XPO7: variants seen among roughly 807,000 people sequenced by gnomAD.
XPO7 encodes exportin 7, also known as exportin-7.
Under a neutral mutation model 144.3 loss-of-function variants are expected in XPO7, and 21 were observed. The observed-to-expected ratio is 0.15, with a 90% confidence interval of 0.10 to 0.21. The LOEUF is 0.21. Among genes scored for constraint, XPO7 ranks in the 10% least tolerant of loss-of-function variants. XPO7 has a pLI of 1.00. For synonymous variants in XPO7, 580 were observed against 499.6 expected (o/e 1.16, Z -2.15); for missense variants, 808 against 1,325.8 (o/e 0.61, Z 6.06).
chr8:21,958,822 A>G (rs868220637), intron 1 of XPO7, among the ~76,000 whole-genome samples: 2 of 152,054 alleles, frequency 1.3e-5, no homozygotes, highest in South Asian at 4.1e-4. Flanking sequence ...CCAGCCGAAC[A>G]TGGTGGCGCA....
chr8:21,921,978 G>A (rs899265424), intron 1 of XPO7, among the ~76,000 whole-genome samples: 1 of 152,128 alleles, frequency 6.6e-6, no homozygotes, highest in African/African-American at 2.4e-5. Flanking sequence ...CGCTTCCCTA[G>A]GTATAATGAG....
At chr8:21,999,755 A>C (rs1013467159) in intron 24 of XPO7, 81 bp downstream of exon 24, 16 of 1,568,400 alleles carry the variant, frequency 1.0e-5, no homozygotes, top group Non-Finnish European at 1.4e-5. Flanking sequence ...ATCTTGCCCC[A>C]GTGTCCAAAA....
chr8:21,950,199 G>T (rs1048409235), intron 1 of XPO7, among the ~76,000 whole-genome samples: 3 of 152,154 alleles, frequency 2.0e-5, no homozygotes, highest in African/African-American at 7.2e-5. Context: ...AGAGAGTGTG[G>T]GTAGTTGTAA....
chr8:21,998,659 G>A (rs2117400242), intron 21 of XPO7, 96 bp from the exon 22 acceptor site: 5 of 958,240 alleles, frequency 5.2e-6, no homozygotes, highest in Non-Finnish European at 3.2e-6. Flanking sequence ...TAATGTAAAT[G>A]CAGGATCACC....
chr8:22,001,230 C>T (rs1446046239), intron 24 of XPO7, among the ~76,000 whole-genome samples: 1 of 151,348 alleles, frequency 6.6e-6, no homozygotes, highest in Admixed American at 6.6e-5. Flanking sequence ...CACTTGAACC[C>T]GGGAAGTAGA....
intron 1 of XPO7, chr8:21,966,357 A>T (rs1811884062): frequency 1.3e-6 from 1 of 777,710 alleles, no homozygotes; most frequent in African/African-American, 1.7e-5. Flanking sequence ...GTTTTCTCGT[A>T]CAGGTGACCA....
intron 11 of XPO7, among the ~76,000 whole-genome samples, chr8:21,984,354 G>A (rs1585468305): frequency 6.6e-6 from 1 of 152,134 alleles, no homozygotes; most frequent in African/African-American, 2.4e-5. Context: ...AGGTCAGACA[G>A]TTGAGAAGGG....
intron 20 of XPO7, among the ~76,000 whole-genome samples, chr8:21,995,059 AAAAT>A (rs1381956035): frequency 9.2e-5 from 13 of 141,388 alleles, no homozygotes; most frequent in Admixed American, 1.4e-4. Context: ...ATCTCAAAAA[AAAAT>A]AAATAATAAT....
intron 13 of XPO7, among the ~76,000 whole-genome samples, 175 bp downstream of exon 13, chr8:21,985,866 TA>T (rs981453752): frequency 2.6e-5 from 4 of 152,092 alleles, no homozygotes; most frequent in Non-Finnish European, 5.9e-5. Context: ...TACTTTAAAA[TA>T]AAAAACCAGC....
At chr8:21,936,313 A>G (rs1810820595) in intron 1 of XPO7, among the ~76,000 whole-genome samples, 1 of 152,198 alleles carries the variant, frequency 6.6e-6, no homozygotes, top group African/African-American at 2.4e-5. Flanking sequence ...CAGAAGATGC[A>G]GTCAATCAAC....
intron 21 of XPO7, 31 bp from the exon 22 acceptor site, chr8:21,998,724 G>A: frequency 6.2e-7 from 1 of 1,606,862 alleles, no homozygotes; most frequent in Non-Finnish European, 8.5e-7. Context: ...AAACACCTCT[G>A]ACTTTTTCTC....
chr8:21,950,155 G>T (rs191960922), intron 1 of XPO7, among the ~76,000 whole-genome samples: 4 of 152,214 alleles, frequency 2.6e-5, no homozygotes, highest in Non-Finnish European at 4.4e-5. Flanking sequence ...AACATTTAAC[G>T]TATTGTAGTT....
At chr8:21,996,042 C>T (rs974414281) in intron 21 of XPO7, among the ~76,000 whole-genome samples, 5 of 152,272 alleles carry the variant, frequency 3.3e-5, no homozygotes, top group Admixed American at 3.3e-4. Context: ...GTCTCGATCT[C>T]CTGACCTCGT....
intron 20 of XPO7, 76 bp from the exon 21 acceptor site, chr8:21,995,416 G>A: frequency 7.7e-7 from 1 of 1,301,194 alleles, no homozygotes; most frequent in African/African-American, 1.5e-5. Flanking sequence ...GTTTTTGCTT[G>A]GCTAGTGCTG....
At chr8:22,000,177 G>A (rs1221317801) in intron 24 of XPO7, among the ~76,000 whole-genome samples, 4 of 152,202 alleles carry the variant, frequency 2.6e-5, no homozygotes, top group African/African-American at 9.7e-5. Flanking sequence ...GAGACAGCAA[G>A]CACTTGCACC....
intron 1 of XPO7, among the ~76,000 whole-genome samples, chr8:21,927,622 G>A (rs933737634): frequency 2.0e-5 from 3 of 147,398 alleles, no homozygotes; most frequent in East Asian, 2.0e-4. Context: ...CTCGGCTCAC[G>A]GCAACCTCTG....
rs762839424 is a variant in XPO7, at chr8:22,003,230, G to A, written c.2955G>A (p.Thr985=). 1.2e-6 allele frequency: 2 copies of A among 1,611,678 alleles called. No homozygotes were observed. The highest frequency in any genetic ancestry group is 3.4e-5 in the Admixed American group (2 of 59,682). The change falls in exon 26 of 28, where the codon ACG becomes ACA. Residue 985 remains threonine (T), a synonymous_variant. Transcript: ENST00000252512. ...CATTCCATTTTCAGATGCTGTCCAC[G>A]GTGCTGAACATCATCATCTTTGAAG... ...HPEMIQQMLS[T]VLNIIIFEDC...
intron 1 of XPO7, among the ~76,000 whole-genome samples, chr8:21,922,299 T>C (rs1380566136): frequency 1.3e-5 from 2 of 150,714 alleles, no homozygotes; most frequent in Non-Finnish European, 3.0e-5. Flanking sequence ...CGATTTTAAG[T>C]GCTATAAAAC....
intron 1 of XPO7, among the ~76,000 whole-genome samples, chr8:21,932,549 C>T (rs763076254): frequency 1.3e-5 from 2 of 152,008 alleles, no homozygotes; most frequent in Non-Finnish European, 2.9e-5. Context: ...TCTTTCTTGC[C>T]GAATCTTCTA....
Sources: allele counts gnomAD v4.1 joint callset (sites outside exome capture counted in the v4.1 genomes callset), GRCh38; gene constraint gnomAD v4.1.1; transcripts MANE v1.5; gene names NCBI Gene and HGNC (gene_info 2026-07-23, HGNC 2026-07-21).